The following DIAPH2 variants were observed in gnomAD, a reference collection of about 807,000 sequenced individuals.
The protein encoded by DIAPH2 is diaphanous related formin 2.
In DIAPH2, 35 loss-of-function variants were observed where a neutral mutation model predicts 92.7. That is an observed-to-expected ratio of 0.38 (90% CI 0.29 to 0.50). The LOEUF is 0.50. DIAPH2 is among the 20% of genes least tolerant of loss of function. The probability of loss-of-function intolerance (pLI) is 0.94; values close to 1 mark genes in which losing one functional copy is unlikely to be tolerated. For synonymous variants in DIAPH2, 301 were observed against 280.4 expected (o/e 1.07, Z -0.73); for missense variants, 701 against 819.5 (o/e 0.86, Z 1.77).
At chrX:97,586,485 C>G (rs1483486972) in intron 26 of DIAPH2, among the ~76,000 whole-genome samples, 1 of 110,884 alleles carries the variant, frequency 9.0e-6, no homozygotes, top group Non-Finnish European at 1.9e-5. Context: ...CACTTCACTC[C>G]CTATTGCATA....
intron 17 of DIAPH2, among the ~76,000 whole-genome samples, chrX:97,066,451 C>T (rs1038532145): frequency 8.1e-5 from 9 of 111,663 alleles, no homozygotes; most frequent in Non-Finnish European, 1.3e-4. Context: ...GTAAGTGAAC[C>T]GTATAATGTT....
intron 20 of DIAPH2, 76 bp downstream of exon 20, chrX:97,099,871 T>A: frequency 4.2e-6 from 2 of 472,771 alleles, no homozygotes; most frequent in Non-Finnish European, 6.6e-6. Flanking sequence ...AAGACAAACA[T>A]TTCAGTTGTC....
intron 26 of DIAPH2, chrX:97,469,721 C>T: frequency 8.3e-7 from 1 of 1,207,502 alleles, no homozygotes; most frequent in Non-Finnish European, 1.1e-6. Flanking sequence ...GCAACAAGGG[C>T]TAATCCAAGA....
chrX:96,894,384 G>T (rs1240561916), intron 5 of DIAPH2, among the ~76,000 whole-genome samples: 1 of 110,980 alleles, frequency 9.0e-6, no homozygotes, highest in East Asian at 2.8e-4. Context: ...AGATTGGAGT[G>T]CTGTAGTTAA....
chrX:97,464,375 G>A (rs1302059993), intron 26 of DIAPH2, among the ~76,000 whole-genome samples: 1 of 107,709 alleles, frequency 9.3e-6, no homozygotes, highest in Non-Finnish European at 1.9e-5. Flanking sequence ...TAATCAGGAG[G>A]CTGAGGCAGG....
chrX:96,848,946 T>G (rs1438491285), intron 4 of DIAPH2, among the ~76,000 whole-genome samples: 1 of 111,389 alleles, frequency 9.0e-6, no homozygotes, highest in African/African-American at 3.3e-5. Flanking sequence ...TCAAGGTGAG[T>G]CAGAGAGAAT....
intron 26 of DIAPH2, among the ~76,000 whole-genome samples, chrX:97,447,479 A>G (rs1397214944): frequency 9.0e-6 from 1 of 111,536 alleles, no homozygotes; most frequent in Non-Finnish European, 1.9e-5. Context: ...TTCTTTGTCA[A>G]CTTATTTCAC....
At chrX:97,337,739 G>T (rs890628516) in intron 23 of DIAPH2, among the ~76,000 whole-genome samples, 11 of 110,925 alleles carry the variant, frequency 9.9e-5, no homozygotes, top group African/African-American at 3.3e-4. Context: ...AGGTTTGCAG[G>T]GAGGCTGTCC....
At chrX:97,193,002 TTTTTC>T (rs1395999531) in intron 22 of DIAPH2, among the ~76,000 whole-genome samples, 40 of 100,717 alleles carry the variant, frequency 4.0e-4, no homozygotes, top group African/African-American at 1.6e-3. Context: ...TTTCTTTTTC[TTTTTC>T]TTTTCTTTTT....
Position 96,798,264 on chromosome X carries a change from T to C in DIAPH2, c.447+40006T>C, listed in dbSNP as rs562086565. ...TTCTGTAGTAGATCACTTTATATTG[T>C]CCATATGTCACTGAGGCTCTGATAG... On this transcript the variant is annotated intron_variant, in intron 4 of 26. Transcript: ENST00000324765. Among the ~76,000 whole-genome samples the C allele has an allele frequency of 2.7e-5, 3 of 112,193 alleles. No homozygotes were observed. In the South Asian group the frequency reaches 1.1e-3, roughly 42 times the overall value.
At chrX:96,907,733 C>T (rs2065442611) in intron 5 of DIAPH2, among the ~76,000 whole-genome samples, 1 of 111,638 alleles carries the variant, frequency 9.0e-6, no homozygotes, top group African/African-American at 3.3e-5. Flanking sequence ...GTTTTTAAAC[C>T]GTTAAACATC....
intron 25 of DIAPH2, among the ~76,000 whole-genome samples, chrX:97,418,729 TA>T (rs1209559447): frequency 1.8e-5 from 2 of 112,204 alleles, no homozygotes; most frequent in African/African-American, 6.5e-5. Context: ...TATTCAGTGT[TA>T]TTCAGAGGCA....
intron 3 of DIAPH2, among the ~76,000 whole-genome samples, chrX:96,749,100 T>C (rs1027832198): frequency 1.1e-5 from 1 of 92,750 alleles, no homozygotes; most frequent in Non-Finnish European, 2.1e-5. Flanking sequence ...TCCAAGAGTC[T>C]CTAAACCTTT....
chrX:97,307,769 G>A (rs900943570), intron 23 of DIAPH2, among the ~76,000 whole-genome samples: 4 of 108,928 alleles, frequency 3.7e-5, no homozygotes, highest in East Asian at 2.9e-4. Context: ...TTAGCCGGGC[G>A]TGGTGGCGCA....
At chrX:97,396,915 T>G (rs936779271) in intron 25 of DIAPH2, among the ~76,000 whole-genome samples, 1 of 112,066 alleles carries the variant, frequency 8.9e-6, no homozygotes, top group African/African-American at 3.2e-5. Context: ...CATAGGTGTA[T>G]GTATATACTC....
chrX:97,105,780 A>G (rs7053579), intron 20 of DIAPH2, among the ~76,000 whole-genome samples: 3,980 of 112,048 alleles, frequency 0.036, 60 homozygotes, highest in Middle Eastern at 0.069. Context: ...AATTATCCAT[A>G]TTTTTCAATT....
At chrX:97,250,865 A>T (rs1025517634) in intron 23 of DIAPH2, among the ~76,000 whole-genome samples, 1 of 111,919 alleles carries the variant, frequency 8.9e-6, no homozygotes, top group Non-Finnish European at 1.9e-5. Flanking sequence ...TTTATAGAGC[A>T]TGCTGTAATG....
rs750877374 is a variant in DIAPH2 at position 97,078,797 on chromosome X, A to C, written c.2247+3536A>C. 2.7e-5 allele frequency among the ~76,000 whole-genome samples: 3 copies of C among 111,271 alleles called. No individual in the cohort carries two copies. The South Asian group carries it at 1.1e-3, about 43-fold the overall frequency. ...GGGTAGGGTGGGCTGTGGTTAAGGT[A>C]GTCTTCCTGGAAGAAGTGTTCTAGA... On this transcript the variant is annotated intron_variant, in intron 19 of 26. Coordinates refer to ENST00000324765, the MANE Select transcript of DIAPH2 (RefSeq NM_006729.5).
At chrX:96,830,903 G>A (rs2064850240) in intron 4 of DIAPH2, among the ~76,000 whole-genome samples, 1 of 110,861 alleles carries the variant, frequency 9.0e-6, no homozygotes, top group Non-Finnish European at 1.9e-5. Context: ...TACCAAAATT[G>A]GGCCCAGCAG....
Sources: gnomAD v4.1 joint callset for allele counts (sites outside exome capture counted in the v4.1 genomes callset) on GRCh38, gnomAD v4.1.1 for gene constraint, MANE v1.5 for transcripts, NCBI Gene and HGNC (gene_info 2026-07-23, HGNC 2026-07-21) for gene names.